The following EYS variants were observed in gnomAD, a reference collection of about 807,000 sequenced individuals.
EYS encodes protein eyes shut homolog.
EYS carries 250 observed loss-of-function variants against 282.1 expected under a neutral mutation model. That is an observed-to-expected ratio of 0.89 (90% CI 0.80 to 0.98). The LOEUF (loss-of-function observed/expected upper bound fraction) is 0.98. Ranked by LOEUF, EYS falls within the 50% of genes least tolerant of loss-of-function variation. The pLI, the probability that EYS is intolerant of heterozygous loss-of-function variation, is 0.00. For missense variants in EYS, 4,016 were observed against 3,709.0 expected (o/e 1.08, Z -2.15); for synonymous variants, 1,355 against 1,282.9 (o/e 1.06, Z -1.20).
chr6:65,467,351 A>C (rs1236084877), intron 5 of EYS, among the ~76,000 whole-genome samples: 2 of 152,156 alleles, frequency 1.3e-5, no homozygotes, highest in Non-Finnish European at 2.9e-5. Flanking sequence ...TAAAATACTG[A>C]ATGAATACAA....
intron 5 of EYS, among the ~76,000 whole-genome samples, chr6:65,437,081 T>C (rs570670696): frequency 1.3e-5 from 2 of 152,252 alleles, no homozygotes; most frequent in South Asian, 2.1e-4. Context: ...AAAGTCTGTA[T>C]ATAAAAGGAA....
chr6:64,619,152 C>T (rs1477641042), intron 23 of EYS, among the ~76,000 whole-genome samples: 3 of 152,106 alleles, frequency 2.0e-5, no homozygotes, highest in African/African-American at 4.8e-5. Flanking sequence ...TTTCTCAGAA[C>T]ACATGGTAGT....
chr6:65,107,798 C>T (rs1175900442), intron 12 of EYS, among the ~76,000 whole-genome samples: 1 of 151,776 alleles, frequency 6.6e-6, no homozygotes, highest in East Asian at 1.9e-4. Flanking sequence ...TTAAGTCTGC[C>T]ACTTTATTTT....
chr6:63,825,752 G>A (rs146321894), intron 36 of EYS, among the ~76,000 whole-genome samples: 3,198 of 152,204 alleles, frequency 0.021, 106 homozygotes, highest in African/African-American at 0.07. Flanking sequence ...AACAGCCTTC[G>A]GCCCTAGACC....
intron 14 of EYS, among the ~76,000 whole-genome samples, chr6:64,947,859 T>C (rs1042116433): frequency 1.9e-4 from 29 of 151,884 alleles, no homozygotes; most frequent in African/African-American, 7.0e-4. Context: ...TGCCCATTCG[T>C]TATGTTCTGA....
intron 2 of EYS, among the ~76,000 whole-genome samples, chr6:65,508,662 CAAAAAA>C (rs35302193): frequency 9.1e-6 from 1 of 109,990 alleles, no homozygotes. Context: ...GACTCCATCT[CAAAAAA>C]AAAAAAAAAA....
At chr6:65,245,673 A>G (rs570490414) in intron 12 of EYS, among the ~76,000 whole-genome samples, 1 of 151,778 alleles carries the variant, frequency 6.6e-6, no homozygotes, top group Admixed American at 6.6e-5. Context: ...GTTTAATCTA[A>G]TTGCACCTTC....
At chr6:64,023,881 C>T (rs959041472) in intron 33 of EYS, among the ~76,000 whole-genome samples, 5 of 152,312 alleles carry the variant, frequency 3.3e-5, no homozygotes, top group Middle Eastern at 3.4e-3. Context: ...AGTGGCCGGC[C>T]GGCCCCGCCA....
At chr6:64,650,789 A>G (rs1479284124) in intron 22 of EYS, among the ~76,000 whole-genome samples, 1 of 152,126 alleles carries the variant, frequency 6.6e-6, no homozygotes, top group African/African-American at 2.4e-5. Context: ...ACATCTACCT[A>G]CAAACCTAGA....
At chr6:64,386,172 G>C (rs1301897595) in intron 29 of EYS, among the ~76,000 whole-genome samples, 4 of 152,136 alleles carry the variant, frequency 2.6e-5, no homozygotes, top group African/African-American at 9.7e-5. Context: ...ACACACAAAG[G>C]ACTGATGGAT....
At chr6:65,680,952 C>A (rs1479579980) in intron 1 of EYS, among the ~76,000 whole-genome samples, 1 of 151,872 alleles carries the variant, frequency 6.6e-6, no homozygotes, top group Admixed American at 6.6e-5. Flanking sequence ...ACGAGATTGC[C>A]TCCCACTGGC....
At chr6:64,172,432 G>A (rs549286240) in intron 31 of EYS, among the ~76,000 whole-genome samples, 41 of 152,248 alleles carry the variant, frequency 2.7e-4, no homozygotes, top group African/African-American at 9.4e-4. Flanking sequence ...TTATGAGTTT[G>A]ACAATTTTAG....
At chr6:64,617,650 T>C (rs1205798853) in intron 23 of EYS, 117 bp from the exon 24 acceptor site, 1 of 666,292 alleles carries the variant, frequency 1.5e-6, no homozygotes, top group Non-Finnish European at 2.7e-6. Flanking sequence ...AGATGTTTTG[T>C]ACAAATTACC....
chr6:65,268,214 A>T (rs545310170), intron 12 of EYS, among the ~76,000 whole-genome samples: 26 of 152,192 alleles, frequency 1.7e-4, no homozygotes, highest in African/African-American at 6.0e-4. Flanking sequence ...TGTGAAATAG[A>T]TTACAAATCT....
chr6:65,513,691 A>G (rs57783263), intron 2 of EYS, among the ~76,000 whole-genome samples: 373 of 152,222 alleles, frequency 2.5e-3, no homozygotes, highest in African/African-American at 8.8e-3. Context: ...GACAAAAACC[A>G]CATGATTATC....
At chr6:64,485,592 G>A (rs1446960590) in intron 26 of EYS, among the ~76,000 whole-genome samples, 2 of 151,482 alleles carry the variant, frequency 1.3e-5, no homozygotes, top group Middle Eastern at 3.4e-3. Flanking sequence ...TGATTACTAG[G>A]CTCTAGCAGA....
At chr6:64,208,165 T>C (rs995362711) in intron 31 of EYS, among the ~76,000 whole-genome samples, 2 of 152,234 alleles carry the variant, frequency 1.3e-5, no homozygotes, top group Non-Finnish European at 2.9e-5. Context: ...ATCGTTCATG[T>C]GTTCCACAAA....
chr6:64,007,844 C>T (rs1056959216), intron 33 of EYS, among the ~76,000 whole-genome samples: 3 of 152,092 alleles, frequency 2.0e-5, no homozygotes, highest in African/African-American at 7.2e-5. Flanking sequence ...GCACTGTGGT[C>T]TAATAGTACG....
At chr6:64,344,908 GACAA>G (rs1170642672) in intron 29 of EYS, among the ~76,000 whole-genome samples, 2 of 152,006 alleles carry the variant, frequency 1.3e-5, no homozygotes, top group Non-Finnish European at 1.5e-5. Context: ...ACCAATAACA[GACAA>G]ACAGAGAGCC....
Sources: allele counts gnomAD v4.1 joint callset (sites outside exome capture counted in the v4.1 genomes callset), GRCh38; gene constraint gnomAD v4.1.1; transcripts MANE v1.5; gene names NCBI Gene and HGNC (gene_info 2026-07-23, HGNC 2026-07-21).